The following VPS13D variants were observed in gnomAD, a reference collection of about 807,000 sequenced individuals.
VPS13D encodes the protein vacuolar protein sorting 13 homolog D, also known as intermembrane lipid transfer protein VPS13D.
A neutral mutation model predicts 461.9 loss-of-function variants in VPS13D; 187 were observed. The ratio of observed to expected loss-of-function variants is 0.40; its 90% CI spans 0.36 to 0.46. The LOEUF (loss-of-function observed/expected upper bound fraction) is 0.46. VPS13D is among the 20% of genes least tolerant of loss of function. VPS13D has a pLI of 0.60. For synonymous variants in VPS13D, 1,951 were observed against 1,986.3 expected, an observed-to-expected ratio of 0.98 and a Z score of 0.47; for missense variants, 4,711 against 5,364.9, an observed-to-expected ratio of 0.88 and a Z score of 3.81.
chr1:12,416,575 T>C, intron 64 of VPS13D, 85 bp from the exon 65 acceptor site: 1 of 1,406,722 alleles, frequency 7.1e-7, no homozygotes, highest in Non-Finnish European at 9.7e-7. Flanking sequence ...CAAAATAGAT[T>C]TCTAAGCTCT....
At chr1:12,311,963 G>C (rs1252647625) in intron 29 of VPS13D, 38 bp downstream of exon 29, 1 of 1,534,104 alleles carries the variant, frequency 6.5e-7, no homozygotes, top group Non-Finnish European at 9.0e-7. Context: ...GTTAGTAACA[G>C]TATCCAAATA....
At chr1:12,355,039 C>A (rs546974424) in intron 47 of VPS13D, among the ~76,000 whole-genome samples, 1 of 152,282 alleles carries the variant, frequency 6.6e-6, no homozygotes, top group South Asian at 2.1e-4. Flanking sequence ...AAGGAAGTGA[C>A]GTACAGAAAT....
rs964411898 is a variant in VPS13D, at chr1:12,283,385, C to G, written c.5283C>G (p.Thr1761=). The G allele has an allele frequency of 1.2e-6, 2 of 1,614,010 alleles. No individual in the cohort carries two copies. Among genetic ancestry groups the G allele is most frequent in the African/African-American group, 1.3e-5 (1 of 74,884 alleles). Reference sequence around the variant, plus strand: ...TCCAAGACAAGGACTATCCCTTGACCCCACCTCCTTCTCCAACAGTGGATG... The same window carrying G: ...TCCAAGACAAGGACTATCCCTTGACGCCACCTCCTTCTCCAACAGTGGATG... ...KEVQDKDYPL[T]PPPSPTVDEP... Residue 1761 remains threonine (T), a synonymous_variant, in exon 21 of 70, where the codon ACC becomes ACG. Transcript: ENST00000620676.
Position 12,354,071 on chromosome 1 carries a change from A to G in VPS13D, c.9529A>G (p.Thr3177Ala), listed in dbSNP as rs1461686978. The G allele has an allele frequency of 3.1e-6, 5 of 1,614,076 alleles. No homozygotes were observed. In the African/African-American group the frequency reaches 6.7e-5, roughly 22 times the overall value. ...AKQIFRQPGH[T>A]IYLLPTVVIC... ...ACAGATTTTCAGACAGCCTGGGCAT[A>G]CCATATATCTCCTGCCAACTGTGGT... The change falls in exon 47 of 70, where the codon ACC becomes GCC. Residue 3177 changes from threonine (T) to alanine (A), a missense_variant. Physicochemically the swap from Thr to Ala is moderately conservative, Grantham distance 58. This residue lies in a region of VPS13D where 4,411 missense variants were observed against 4,937.8 expected (regional missense o/e 0.89). Coordinates refer to ENST00000620676, the MANE Select transcript of VPS13D (RefSeq NM_015378.4).
chr1:12,379,535 C>T lies in VPS13D; in HGVS notation c.11129C>T (p.Thr3710Ile), dbSNP rs1644244367. 1 of 1,613,548 alleles carries T rather than the reference C, an allele frequency of 6.2e-7. No individual in the cohort carries two copies. The highest frequency in any genetic ancestry group is 8.5e-7 in the Non-Finnish European group (1 of 1,179,832). The change falls in exon 57 of 70, where the codon ACT (threonine) becomes ATT (isoleucine). Residue 3710 changes from threonine to isoleucine, a missense_variant. Transcript: ENST00000620676. ...LRKPDRRRST[T>I]QTWSFREGKL... ...AAGCCTGACCGCAGGCGAAGCACAACTCAGACGTGGAGTTTCCGAGAAGGA... is the reference window on the plus strand; with the variant it reads ...AAGCCTGACCGCAGGCGAAGCACAATTCAGACGTGGAGTTTCCGAGAAGGA...
intron 65 of VPS13D, among the ~76,000 whole-genome samples, chr1:12,442,486 G>A (rs1645143117): frequency 6.6e-6 from 1 of 152,002 alleles, no homozygotes; most frequent in African/African-American, 2.4e-5. Context: ...AGTTTCTGTG[G>A]CTAACTTGTT....
At chr1:12,339,517 C>T (rs1177298939) in intron 40 of VPS13D, among the ~76,000 whole-genome samples, 1 of 152,186 alleles carries the variant, frequency 6.6e-6, no homozygotes, top group East Asian at 1.9e-4. Flanking sequence ...TAGCTTTAGA[C>T]TCTCTCTCAG....
At position 12,505,153 on chromosome 1, in the gene VPS13D, C is replaced by T. The variant is rs1009031522; in HGVS notation, c.12795-1700C>T. On this transcript the variant is annotated intron_variant, in intron 68 of 69. Coordinates refer to ENST00000620676, the MANE Select transcript of VPS13D (RefSeq NM_015378.4). The surrounding 1 kb of genome is among the most constrained non-coding windows in gnomAD (Gnocchi z 4.2). ...GATGCTCAGGGGTGTAGGCTGCTTC[C>T]GGGTCTCATCTCAGATCCCCGCCAG... 2.0e-5 allele frequency among the ~76,000 whole-genome samples: 3 copies of T among 152,162 alleles called. No homozygotes were observed. The highest frequency in any genetic ancestry group is 1.9e-4 in the East Asian group (1 of 5,166).
At chr1:12,373,194 C>T (rs1030127209) in intron 54 of VPS13D, among the ~76,000 whole-genome samples, 1 of 141,522 alleles carries the variant, frequency 7.1e-6, no homozygotes, top group Non-Finnish European at 1.5e-5. Flanking sequence ...AGTCTCAGCT[C>T]ACTGCAACCT....
intron 54 of VPS13D, among the ~76,000 whole-genome samples, chr1:12,373,189 C>T (rs1644148964): frequency 1.5e-5 from 2 of 137,056 alleles, no homozygotes; most frequent in African/African-American, 5.4e-5. Context: ...GGTGCAGTCT[C>T]AGCTCACTGC....
intron 2 of VPS13D, among the ~76,000 whole-genome samples, chr1:12,237,504 T>G (rs1640195428): frequency 6.7e-6 from 1 of 149,286 alleles, no homozygotes; most frequent in African/African-American, 2.5e-5. Context: ...CCAAAAATTT[T>G]CACTTGTTCA....
At chr1:12,494,118 A>G (rs1557475932) in intron 67 of VPS13D, among the ~76,000 whole-genome samples, 2 of 152,218 alleles carry the variant, frequency 1.3e-5, no homozygotes, top group African/African-American at 4.8e-5. Context: ...TGAATGCCAC[A>G]GTGAGCTCCC....
At chr1:12,487,103 G>T (rs1407395950) in intron 67 of VPS13D, among the ~76,000 whole-genome samples, 2 of 152,166 alleles carry the variant, frequency 1.3e-5, no homozygotes, top group Middle Eastern at 3.4e-3. Flanking sequence ...TAACTGCAGG[G>T]CCTGAAACAG....
intron 44 of VPS13D, 96 bp downstream of exon 44, chr1:12,346,748 T>A: frequency 8.5e-7 from 1 of 1,171,324 alleles, no homozygotes; most frequent in Non-Finnish European, 1.2e-6. Context: ...AGAGAAACTT[T>A]ATGACATATA....
rs117552301 is a variant in VPS13D, at chr1:12,264,602, C to T, written c.1595-2279C>T. Reference sequence around the variant, plus strand: ...AGCCTAATGCACAGCAAGGCCTTAACTCATTTCAGTTCTGGGATGGCTGGA... The same window carrying T: ...AGCCTAATGCACAGCAAGGCCTTAATTCATTTCAGTTCTGGGATGGCTGGA... On this transcript the variant is annotated intron_variant, in intron 13 of 69. Coordinates refer to ENST00000620676, the MANE Select transcript of VPS13D (RefSeq NM_015378.4). Among the ~76,000 whole-genome samples the T allele has an allele frequency of 1.5e-4, 23 of 152,328 alleles. No homozygotes were observed. The East Asian group carries it at 4.4e-3, about 29-fold the overall frequency.
intron 2 of VPS13D, among the ~76,000 whole-genome samples, chr1:12,240,677 TAA>T (rs982353445): frequency 6.6e-6 from 1 of 151,314 alleles, no homozygotes; most frequent in Non-Finnish European, 1.5e-5. Context: ...TTGCCCCCAT[TAA>T]GTCTGTTTCA....
intron 65 of VPS13D, among the ~76,000 whole-genome samples, chr1:12,424,563 G>A (rs1002086835): frequency 4.6e-5 from 7 of 152,106 alleles, no homozygotes; most frequent in Admixed American, 2.0e-4. Flanking sequence ...ACGCATGAAG[G>A]AGCCAGGTGA....
rs1640925891 is a variant in VPS13D at position 12,256,500 on chromosome 1, T to G, written c.837T>G (p.Ser279=). ...TGGAGACCATTCCCTTGAAACTCTC[T>G]CAGGTATGCCCTTTCTTCTCAGTGG... is the stretch of plus-strand genomic sequence containing the variant. ...IQLETIPLKL[S]QLQYRQIMEF... is the part of the protein sequence containing the mutation. Residue 279 remains serine (S), a synonymous_variant, in exon 8 of 70, where the codon TCT becomes TCG. Transcript: ENST00000620676. 6.2e-7 allele frequency: 1 copy of G among 1,613,918 alleles called. No individual in the cohort carries two copies. Among genetic ancestry groups the G allele is most frequent in the African/African-American group, 1.3e-5 (1 of 74,922 alleles).
chr1:12,452,467 AT>A (rs1271983442), intron 65 of VPS13D, among the ~76,000 whole-genome samples: 6 of 152,222 alleles, frequency 3.9e-5, no homozygotes, highest in Admixed American at 3.9e-4. Context: ...GGCACCCATG[AT>A]GAGCACCACT....
Sources: gnomAD v4.1 joint callset for allele counts (sites outside exome capture counted in the v4.1 genomes callset) on GRCh38, gnomAD v4.1.1 for gene constraint, gnomAD v4.1.1 regional missense constraint, Gnocchi (gnomAD v3.1) non-coding constraint, MANE v1.5 for transcripts, NCBI Gene and HGNC (gene_info 2026-07-23, HGNC 2026-07-21) for gene names.